The following SNCG variants were observed in gnomAD, a reference collection of about 807,000 sequenced individuals.
The protein encoded by SNCG is synuclein gamma.
In SNCG, 13 loss-of-function variants were observed where a neutral mutation model predicts 16.0. That is an observed-to-expected ratio of 0.81 (90% CI 0.53 to 1.29). The LOEUF (loss-of-function observed/expected upper bound fraction) is 1.29. Among genes scored for constraint, SNCG ranks in the 50% most tolerant of loss-of-function variants. The pLI, the probability that SNCG is intolerant of heterozygous loss-of-function variation, is 0.00. For synonymous variants in SNCG, 66 were observed against 66.3 expected (o/e 1.00, Z 0.02); for missense variants, 154 against 168.5 (o/e 0.91, Z 0.48).
At chr10:86,958,220 C>T (rs1335348189), upstream of SNCG, 3 of 965,418 alleles carry the variant, frequency 3.1e-6, no homozygotes, top group Non-Finnish European at 3.7e-6. Flanking sequence ...TGACCCCTAC[C>T]TAGGAAGCTG....
At chr10:86,956,045 C>T (rs1440982557), upstream of SNCG, among the ~76,000 whole-genome samples, 5 of 152,174 alleles carry the variant, frequency 3.3e-5, no homozygotes, top group Admixed American at 6.5e-5. Flanking sequence ...CTCATCCTCC[C>T]TTTCATCAAA....
chr10:86,962,295 C>T (rs1308418768), intron 3 of SNCG, among the ~76,000 whole-genome samples: 1 of 152,150 alleles, frequency 6.6e-6, no homozygotes, highest in African/African-American at 2.4e-5. Flanking sequence ...AACCCCCACT[C>T]CACCCTACCC....
In SNCG at chr10:86,959,753, C is replaced by T. The variant is rs1844307917; in HGVS notation, c.163+79C>T. ...TGCATCCTAGTGCTGGGGCTCAAAC[C>T]TAGAGTCCTGCCTTACCCCCAACTG... On this transcript the variant is annotated intron_variant, in intron 2 of 4. Transcript: ENST00000372017. This position sits in a 1 kb window ranked among gnomAD's most constrained non-coding sequence, Gnocchi z 4.3. 31 of 1,418,424 alleles carry T rather than the reference C, an allele frequency of 2.2e-5. No individual in the cohort carries two copies. In the South Asian group the frequency reaches 4.0e-4, roughly 18 times the overall value. 87.9% of individuals were successfully genotyped at this position (1,418,424 alleles called of 1,614,324 possible).
At chr10:86,956,149 C>CTTTTTTAA (rs1844223371), upstream of SNCG, among the ~76,000 whole-genome samples, 2 of 149,872 alleles carry the variant, frequency 1.3e-5, no homozygotes, top group Non-Finnish European at 3.0e-5. Flanking sequence ...CCCCCGCCCC[C>CTTTTTTAA]TGCTCCCCTT....
At chr10:86,958,498 C>CCCAACCAAA, upstream of SNCG, 17 of 594,930 alleles carry the variant, frequency 2.9e-5, no homozygotes, top group Non-Finnish European at 3.9e-5. Flanking sequence ...GAACCTCCTT[C>CCCAACCAAA]CCTCCCTCCC....
chr10:86,962,974 G>C lies in SNCG; in HGVS notation c.373G>C (p.Gly125Arg), dbSNP rs374301169. Reference sequence around the variant, plus strand: ...TCATTCTCTCTCCCAGGCCCAGAGTGGGGGAGACTAGAGGGCTACAGGCCA... The same window carrying C: ...TCATTCTCTCTCCCAGGCCCAGAGTCGGGGAGACTAGAGGGCTACAGGCCA... ...KEEVAEEAQSGGD is the reference protein window; with the variant it reads ...KEEVAEEAQSRGD Residue 125 changes from glycine (G) to arginine (R), a missense_variant, in exon 5 of 5, where the codon GGG becomes CGG. Coordinates refer to ENST00000372017, the MANE Select transcript of SNCG (RefSeq NM_003087.3). 54 of 1,603,566 alleles carry C rather than the reference G, an allele frequency of 3.4e-5. 1 individual carries two copies. The highest frequency in any genetic ancestry group is 5.7e-5 in the South Asian group (5 of 88,136).
At chr10:86,960,226 C>T (rs1354543324) in intron 3 of SNCG, 98 bp downstream of exon 3, 1 of 1,209,174 alleles carries the variant, frequency 8.3e-7, no homozygotes, top group East Asian at 2.4e-5. Flanking sequence ...CAGGAAACAA[C>T]ACGGGGGGCT....
At chr10:86,958,042 G>A (rs1352244954), upstream of SNCG, 3 of 985,430 alleles carry the variant, frequency 3.0e-6, no homozygotes, top group Non-Finnish European at 3.6e-6. Flanking sequence ...TGCAGCCAGA[G>A]GCCAAGGCAT....
At chr10:86,957,666 A>G, upstream of SNCG, 1 of 1,392,886 alleles carries the variant, frequency 7.2e-7, no homozygotes, top group Admixed American at 2.5e-5. Context: ...AAAGAGAGGA[A>G]GTGGCCTGGG....
In SNCG at chr10:86,962,544, G is replaced by A. The variant is rs1844372078; in HGVS notation, c.292-60G>A. On this transcript the variant is annotated intron_variant, in intron 3 of 4. Coordinates refer to ENST00000372017, the MANE Select transcript of SNCG (RefSeq NM_003087.3). ...CAGGGTAGACAAGGCCCTGGTTGCA[G>A]GGCAGCTAGGGGTCTCTGCATTCTC... The A allele has an allele frequency of 3.1e-6, 4 of 1,299,878 alleles. No homozygotes were observed. In the East Asian group the frequency reaches 9.5e-5, roughly 31 times the overall value. The allele number at this position is 1,299,878 out of a possible 1,614,324, so 80.5% of individuals were successfully genotyped here.
intron 1 of SNCG, 57 bp downstream of exon 1, chr10:86,958,875 T>C: frequency 2.6e-6 from 4 of 1,535,092 alleles, no homozygotes; most frequent in Non-Finnish European, 2.7e-6. Context: ...AGTGCCCAGT[T>C]ACCTTCGCCA....
chr10:86,957,492 A>C, upstream of SNCG: 1 of 1,613,128 alleles, frequency 6.2e-7, no homozygotes, highest in Non-Finnish European at 8.5e-7. Context: ...TGCCCCCAGC[A>C]GCCCCCAGCC....
At chr10:86,962,816 A>G (rs71473290) in intron 4 of SNCG, 141 bp downstream of exon 4, 94,314 of 1,144,134 alleles carry the variant, frequency 0.082, 5,168 homozygotes, top group African/African-American at 0.24. Context: ...GGGACTGTGT[A>G]CAGGGCTAAC....
chr10:86,959,552 C>G lies in SNCG; in HGVS notation c.122-81C>G. The G allele has an allele frequency of 2.4e-6, 3 of 1,262,918 alleles. No homozygotes were observed. The highest frequency in any genetic ancestry group is 1.2e-5 in the South Asian group (1 of 82,608). The allele number at this position is 1,262,918 out of a possible 1,614,324, so 78.2% of individuals were successfully genotyped here. ...CCCCCCCACCGACCCCACAGTTTGT[C>G]CAGCTGTTCTGTTGTGTTTGTCCTG... On this transcript the variant is annotated intron_variant, in intron 1 of 4. Coordinates refer to ENST00000372017, the MANE Select transcript of SNCG (RefSeq NM_003087.3). The surrounding 1 kb of genome is among the most constrained non-coding windows in gnomAD (Gnocchi z 4.3).
rs1482643875 is a variant in SNCG at position 86,959,366 on chromosome 10, G to A, written c.122-267G>A. 8.8e-6 allele frequency: 5 copies of A among 565,436 alleles called. No homozygotes were observed. The highest frequency in any genetic ancestry group is 6.1e-5 in the East Asian group (2 of 32,878). The allele number at this position is 565,436 out of a possible 1,614,324, so 35.0% of individuals were successfully genotyped here. ...TGCTTCTGAGGCCCGGCCACACCCG[G>A]GCAGGGGCTGGACCCTGGGTCTAGC... On this transcript the variant is annotated intron_variant, in intron 1 of 4. Coordinates refer to ENST00000372017, the MANE Select transcript of SNCG (RefSeq NM_003087.3). This position sits in a 1 kb window ranked among gnomAD's most constrained non-coding sequence, Gnocchi z 4.3.
chr10:86,957,401 G>A, upstream of SNCG: 1 of 1,613,528 alleles, frequency 6.2e-7, no homozygotes, highest in South Asian at 1.1e-5. Flanking sequence ...CCTTGCCGGT[G>A]TCCTCAGCCT....
At chr10:86,956,041 C>T (rs529679766), upstream of SNCG, among the ~76,000 whole-genome samples, 4 of 152,274 alleles carry the variant, frequency 2.6e-5, no homozygotes, top group South Asian at 8.3e-4. Context: ...TCCTCTCATC[C>T]TCCCTTTCAT....
intron 3 of SNCG, among the ~76,000 whole-genome samples, chr10:86,960,951 T>C (rs1397861205): frequency 1.3e-5 from 2 of 152,192 alleles, no homozygotes; most frequent in Admixed American, 1.3e-4. Context: ...GGCTAGTTCA[T>C]GTGAGCTTGG....
At chr10:86,957,803 C>G, upstream of SNCG, 1 of 1,277,112 alleles carries the variant, frequency 7.8e-7, no homozygotes, top group Non-Finnish European at 9.9e-7. Flanking sequence ...ATGTGGTAGA[C>G]ATGGGGTGGC....
Sources: allele counts gnomAD v4.1 joint callset (sites outside exome capture counted in the v4.1 genomes callset), GRCh38; gene constraint gnomAD v4.1.1; non-coding constraint Gnocchi (gnomAD v3.1); transcripts MANE v1.5; gene names NCBI Gene and HGNC (gene_info 2026-07-23, HGNC 2026-07-21).